The following PDE10A variants were observed in gnomAD, a reference collection of about 807,000 sequenced individuals.
PDE10A encodes the protein cAMP and cAMP-inhibited cGMP 3',5'-cyclic phosphodiesterase 10A.
Under a neutral mutation model 97.7 loss-of-function variants are expected in PDE10A, and 39 were observed. The ratio of observed to expected loss-of-function variants is 0.40; its 90% CI spans 0.31 to 0.52. The LOEUF (loss-of-function observed/expected upper bound fraction) is 0.52, where lower values mean the gene tolerates loss of function less well. Among genes scored for constraint, PDE10A ranks in the 20% least tolerant of loss-of-function variants. The pLI, the probability that PDE10A is intolerant of heterozygous loss-of-function variation, is 0.56. For synonymous variants in PDE10A, 371 were observed against 376.8 expected, an observed-to-expected ratio of 0.98 and a Z score of 0.18; for missense variants, 731 against 1,047.8, an observed-to-expected ratio of 0.70 and a Z score of 4.17.
chr6:165,391,559 G>C (rs1240878146), intron 16 of PDE10A, among the ~76,000 whole-genome samples: 1 of 152,084 alleles, frequency 6.6e-6, no homozygotes, highest in Non-Finnish European at 1.5e-5. Flanking sequence ...AAAGGACTTT[G>C]TTAAGACAAA....
chr6:165,711,153 G>C lies in PDE10A; in HGVS notation c.-614-167585C>G, dbSNP rs1791886261. ...TTTAAGCATGAAGGGGAGGCGGCTG[G>C]CTGGAGAGAACAACAGGGATATGAC... is the stretch of plus-strand genomic sequence containing the variant. On this transcript the variant is annotated intron_variant, in intron 1 of 19. Transcript: ENST00000366882. This position sits in a 1 kb window ranked among gnomAD's most constrained non-coding sequence, Gnocchi z 4.5. Among the ~76,000 whole-genome samples, 1 of 152,226 alleles carries C rather than the reference G, an allele frequency of 6.6e-6. No homozygotes were observed. Among genetic ancestry groups the C allele is most frequent in the Non-Finnish European group, 1.5e-5 (1 of 68,040 alleles).
intron 1 of PDE10A, among the ~76,000 whole-genome samples, chr6:165,915,205 G>T (rs1782571342): frequency 6.6e-6 from 1 of 152,090 alleles, no homozygotes; most frequent in Non-Finnish European, 1.5e-5. Context: ...TGGTAACCTG[G>T]CTCACTGGCC....
intron 2 of PDE10A, among the ~76,000 whole-genome samples, chr6:165,492,305 T>C (rs1355637965): frequency 6.6e-6 from 1 of 152,220 alleles, no homozygotes; most frequent in African/African-American, 2.4e-5. Flanking sequence ...CCAATCCTGT[T>C]GACACTATTC....
At chr6:165,566,862 T>C (rs1784801456) in intron 1 of PDE10A, among the ~76,000 whole-genome samples, 1 of 152,214 alleles carries the variant, frequency 6.6e-6, no homozygotes, top group South Asian at 2.1e-4. Context: ...TAAGAGTCTA[T>C]ATCGATACAA....
At chr6:165,638,776 G>A (rs967188669) in intron 1 of PDE10A, among the ~76,000 whole-genome samples, 5 of 152,026 alleles carry the variant, frequency 3.3e-5, no homozygotes, top group African/African-American at 9.7e-5. Flanking sequence ...TGCCTACCTA[G>A]CAATCTAAAA....
intron 1 of PDE10A, among the ~76,000 whole-genome samples, chr6:165,878,021 G>T: frequency 6.6e-6 from 1 of 152,144 alleles, no homozygotes; most frequent in East Asian, 1.9e-4. Flanking sequence ...ACTGCACAGA[G>T]ATAAACAGAT....
intron 1 of PDE10A, among the ~76,000 whole-genome samples, chr6:165,824,232 G>C (rs982454421): frequency 1.3e-5 from 2 of 152,300 alleles, no homozygotes; most frequent in Admixed American, 6.5e-5. Flanking sequence ...ATTAAAACTT[G>C]TGTTCACTAA....
At chr6:165,553,516 T>C (rs986787967) in intron 1 of PDE10A, among the ~76,000 whole-genome samples, 1 of 152,222 alleles carries the variant, frequency 6.6e-6, no homozygotes, top group African/African-American at 2.4e-5. Flanking sequence ...TCCAAGTACA[T>C]TCCACTGAAA....
chr6:165,543,861 T>C (rs1783596453), intron 1 of PDE10A, among the ~76,000 whole-genome samples: 1 of 148,560 alleles, frequency 6.7e-6, no homozygotes, highest in East Asian at 1.9e-4. Flanking sequence ...AACACCATTT[T>C]TCATATATAC....
At chr6:165,876,831 G>A (rs1781357662) in intron 1 of PDE10A, among the ~76,000 whole-genome samples, 1 of 152,174 alleles carries the variant, frequency 6.6e-6, no homozygotes. Flanking sequence ...AGAAATCACA[G>A]TTTGAGTTAG....
intron 1 of PDE10A, among the ~76,000 whole-genome samples, chr6:165,567,530 G>T (rs1784833414): frequency 6.6e-6 from 1 of 152,072 alleles, no homozygotes; most frequent in African/African-American, 2.4e-5. Context: ...TGCTAATAGT[G>T]CCTTTTCTTC....
intron 2 of PDE10A, among the ~76,000 whole-genome samples, chr6:165,540,381 A>T (rs1783358442): frequency 6.6e-6 from 1 of 152,154 alleles, no homozygotes; most frequent in Non-Finnish European, 1.5e-5. Flanking sequence ...GTACATATTT[A>T]TGGGGTACAG....
At chr6:165,760,909 T>C (rs1483641631) in intron 1 of PDE10A, among the ~76,000 whole-genome samples, 1 of 152,140 alleles carries the variant, frequency 6.6e-6, no homozygotes, top group Non-Finnish European at 1.5e-5. Context: ...AAGAGCTACG[T>C]TCAAGCTAGG....
chr6:165,735,334 G>C (rs1792547313), intron 1 of PDE10A, among the ~76,000 whole-genome samples: 1 of 150,966 alleles, frequency 6.6e-6, no homozygotes, highest in African/African-American at 2.4e-5. Context: ...AGGTAGGTAG[G>C]TTAGTAGATA....
intron 13 of PDE10A, chr6:165,409,756 T>G (rs1787582416): frequency 6.6e-6 from 1 of 152,008 alleles, no homozygotes; most frequent in Admixed American, 6.6e-5. Context: ...TGTGATGGGG[T>G]TTGAAGTGTT....
chr6:165,708,770 C>CA (rs36122009), intron 1 of PDE10A, among the ~76,000 whole-genome samples: 32,618 of 95,752 alleles, frequency 0.34, 7,539 homozygotes, highest in African/African-American at 0.39. Context: ...CCACGCTCAC[C>CA]CCCCACTCTC....
At chr6:165,849,667 A>G (rs1178124788) in intron 1 of PDE10A, among the ~76,000 whole-genome samples, 1 of 152,214 alleles carries the variant, frequency 6.6e-6, no homozygotes, top group East Asian at 1.9e-4. Context: ...CAGAGAGCTC[A>G]GAGGAAGTGG....
chr6:165,619,079 CTAGTGTAGTCTAGTG>C lies in PDE10A; in HGVS notation c.865+42853_865+42867del, dbSNP rs1283704459. Among the ~76,000 whole-genome samples the C allele has an allele frequency of 3.8e-4, 40 of 106,322 alleles. 1 individual carries two copies. Among genetic ancestry groups the C allele is most frequent in the South Asian group, 3.5e-3 (13 of 3,692 alleles). 69.8% of individuals were successfully genotyped at this position (106,322 alleles called of 152,430 possible). On this transcript the variant is annotated intron_variant, in intron 1 of 21. Transcript: ENST00000539869. ...GTGGTGTAGTGTAGTGTAGTGTAGT[CTAGTGTAGTCTAGTG>C]TAGTGTAGTCTAGTGTAGTGTAGTC...
chr6:165,409,272 C>T (rs1018285827), intron 13 of PDE10A, among the ~76,000 whole-genome samples: 4 of 151,704 alleles, frequency 2.6e-5, no homozygotes, highest in Admixed American at 6.6e-5. Flanking sequence ...TTTGGCTGGG[C>T]GAGGTGGCTC....
Sources: gnomAD v4.1 joint callset for allele counts (sites outside exome capture counted in the v4.1 genomes callset) on GRCh38, gnomAD v4.1.1 for gene constraint, Gnocchi (gnomAD v3.1) non-coding constraint, MANE v1.5 for transcripts, NCBI Gene and HGNC (gene_info 2026-07-23, HGNC 2026-07-21) for gene names.